The following AFF3 variants were observed in gnomAD, a reference collection of about 807,000 sequenced individuals.
AFF3 encodes the protein ALF transcription elongation factor 3.
A neutral mutation model predicts 129.7 loss-of-function variants in AFF3; 32 were observed. The observed-to-expected ratio is 0.25, with a 90% CI of 0.19 to 0.33. The LOEUF (loss-of-function observed/expected upper bound fraction) is 0.33, where lower values mean the gene tolerates loss of function less well. AFF3 is among the 10% of genes least tolerant of loss of function. The pLI is 1.00. For missense variants in AFF3, 1,373 were observed against 1,592.0 expected (o/e 0.86, Z 2.34); for synonymous variants, 644 against 635.4 (o/e 1.01, Z -0.20).
chr2:99,887,406 A>G (rs1693194169), intron 7 of AFF3, among the ~76,000 whole-genome samples: 1 of 152,220 alleles, frequency 6.6e-6, no homozygotes, highest in Non-Finnish European at 1.5e-5. Flanking sequence ...AGCCTTTTGT[A>G]TAACTGTTCA....
At chr2:99,598,010 G>A (rs757737387) in intron 14 of AFF3, among the ~76,000 whole-genome samples, 2 of 152,128 alleles carry the variant, frequency 1.3e-5, no homozygotes, top group Non-Finnish European at 2.9e-5. Flanking sequence ...CATTTCTGTT[G>A]ATTTTTAAGA....
chr2:100,142,249 C>T lies in AFF3; in HGVS notation c.-228+235G>A, dbSNP rs13397862. The stretch of plus-strand genomic sequence containing the variant: ...ACACATGCACACGCACACACACTGA[C>T]GGCTTCAGTGACCAACTTTGGTCAC... On this transcript the variant is annotated intron_variant, in intron 1 of 24. Transcript: ENST00000672756. Among the ~76,000 whole-genome samples, 1,177 of 152,176 alleles carry T rather than the reference C, an allele frequency of 7.7e-3. 14 individuals are homozygous for T. Among genetic ancestry groups the T allele is most frequent in the African/African-American group, 0.027 (1,115 of 41,516 alleles).
At chr2:99,590,340 G>A (rs57126534) in intron 15 of AFF3, among the ~76,000 whole-genome samples, 8,199 of 152,298 alleles carry the variant, frequency 0.054, 713 homozygotes, top group African/African-American at 0.19. Context: ...CAGGCAGGAG[G>A]TGGGAACACA....
At chr2:100,073,150 T>C (rs1406103898) in intron 4 of AFF3, among the ~76,000 whole-genome samples, 1 of 152,194 alleles carries the variant, frequency 6.6e-6, no homozygotes, top group Non-Finnish European at 1.5e-5. Flanking sequence ...GATGCTGACA[T>C]CCTAATCTCC....
intron 13 of AFF3, among the ~76,000 whole-genome samples, chr2:99,603,779 T>G (rs1324804494): frequency 6.6e-6 from 1 of 151,994 alleles, no homozygotes; most frequent in Non-Finnish European, 1.5e-5. Flanking sequence ...TTAAACAAAT[T>G]TACAAGAAAA....
chr2:99,752,449 T>A, intron 8 of AFF3, 148 bp from the exon 9 acceptor site: 1 of 636,788 alleles, frequency 1.6e-6, no homozygotes, highest in Non-Finnish European at 2.7e-6. Context: ...AAAAAAGATG[T>A]GAAATCCACT....
At chr2:99,923,311 A>G (rs1695985478) in intron 7 of AFF3, among the ~76,000 whole-genome samples, 1 of 152,242 alleles carries the variant, frequency 6.6e-6, no homozygotes, top group Non-Finnish European at 1.5e-5. Flanking sequence ...CACAGTGTTG[A>G]TAAGGTCTGA....
At chr2:99,579,833 T>C (rs1677357868) in intron 17 of AFF3, among the ~76,000 whole-genome samples, 2 of 152,376 alleles carry the variant, frequency 1.3e-5, no homozygotes, top group East Asian at 1.9e-4. Context: ...ATGGCACCTA[T>C]TGTGTGCCAA....
chr2:99,891,506 C>T (rs1477791471), intron 7 of AFF3, among the ~76,000 whole-genome samples: 2 of 152,202 alleles, frequency 1.3e-5, no homozygotes, highest in African/African-American at 4.8e-5. Context: ...CAGCCAGAGT[C>T]TGCCCAGCCC....
At chr2:99,595,754 C>T (rs1679224496) in intron 14 of AFF3, among the ~76,000 whole-genome samples, 1 of 152,104 alleles carries the variant, frequency 6.6e-6, no homozygotes, top group Admixed American at 6.5e-5. Flanking sequence ...GGGGCCTTGG[C>T]TGAGTCCGGG....
Position 99,593,699 on chromosome 2 carries a change from C to A in AFF3, c.1962G>T (p.Gly654=). ...TGGATTTGGGGACGATCCTGCTTAG[C>A]CCCCGCGTGCGGCGCTTCTCGCAGG... ...SVTCEKRRTR[G]LSRIVPKSKE... The change falls in exon 15 of 25, where the codon GGG becomes GGT. Residue 654 remains glycine, a synonymous_variant. Coordinates refer to ENST00000672756, the MANE Select transcript of AFF3 (RefSeq NM_001386135.1). 6.2e-7 allele frequency: 1 copy of A among 1,608,962 alleles called. No homozygotes were observed. The highest frequency in any genetic ancestry group is 8.5e-7 in the Non-Finnish European group (1 of 1,176,930).
At chr2:99,719,050 CTTTTT>C (rs554515502) in intron 11 of AFF3, among the ~76,000 whole-genome samples, 1 of 108,184 alleles carries the variant, frequency 9.2e-6, no homozygotes, top group Non-Finnish European at 1.8e-5. Context: ...CGCGCCCGGC[CTTTTT>C]TTTTTTTTTT....
intron 17 of AFF3, 32 bp downstream of exon 17, chr2:99,582,766 T>C (rs1169730185): frequency 5.0e-6 from 8 of 1,610,798 alleles, no homozygotes; most frequent in Non-Finnish European, 6.8e-6. Flanking sequence ...TTCATTTTGG[T>C]TTTAATTGGG....
At chr2:99,683,024 CCCTTCCCTGGCCCT>C (rs1449609958) in intron 11 of AFF3, among the ~76,000 whole-genome samples, 1 of 152,142 alleles carries the variant, frequency 6.6e-6, no homozygotes, top group Non-Finnish European at 1.5e-5. Flanking sequence ...CTGTTGGTCC[CCCTTCCCTGGCCCT>C]CCTGATGGGT....
intron 7 of AFF3, among the ~76,000 whole-genome samples, chr2:99,855,443 A>G (rs1278840108): frequency 1.3e-5 from 2 of 152,216 alleles, no homozygotes; most frequent in African/African-American, 4.8e-5. Flanking sequence ...GCTCACTAAG[A>G]AGACAATCAC....
intron 7 of AFF3, among the ~76,000 whole-genome samples, chr2:99,970,447 A>G (rs1387065574): frequency 6.6e-6 from 1 of 152,186 alleles, no homozygotes; most frequent in South Asian, 2.1e-4. Context: ...TTTGGTTTAG[A>G]ATCAATATCT....
intron 11 of AFF3, among the ~76,000 whole-genome samples, chr2:99,682,229 T>C (rs905505948): frequency 3.3e-5 from 5 of 152,200 alleles, no homozygotes; most frequent in African/African-American, 1.2e-4. Flanking sequence ...CTAACGGAAC[T>C]ATCACCTTCC....
intron 2 of AFF3, among the ~76,000 whole-genome samples, chr2:100,125,444 C>A (rs1047610787): frequency 1.3e-5 from 2 of 152,004 alleles, no homozygotes; most frequent in Non-Finnish European, 2.9e-5. Context: ...AGAGTGGGGC[C>A]CATGCCTGTC....
chr2:99,632,591 T>C lies in AFF3; in HGVS notation c.1184+17035A>G, dbSNP rs574639526. On this transcript the variant is annotated intron_variant, in intron 13 of 24. Transcript: ENST00000672756. Reference sequence around the variant, plus strand: ...TGGAAGACCAGAGCGCCAGGCTTCGTTGGAGAGCAGAATAGCCTTCTTAGG... The same window carrying C: ...TGGAAGACCAGAGCGCCAGGCTTCGCTGGAGAGCAGAATAGCCTTCTTAGG... Among the ~76,000 whole-genome samples, 34 of 152,164 alleles carry C rather than the reference T, an allele frequency of 2.2e-4. 2 individuals are homozygous for C. The highest frequency in any genetic ancestry group is 8.5e-4 in the Admixed American group (13 of 15,290).
Sources: allele counts gnomAD v4.1 joint callset (sites outside exome capture counted in the v4.1 genomes callset), GRCh38; gene constraint gnomAD v4.1.1; transcripts MANE v1.5; gene names NCBI Gene and HGNC (gene_info 2026-07-23, HGNC 2026-07-21).